Variants in KAZN observed in about 807,000 individuals in gnomAD.
The protein encoded by KAZN is kazrin, periplakin interacting protein.
A neutral mutation model predicts 87.4 loss-of-function variants in KAZN; 40 were observed. The observed-to-expected ratio is 0.46, with a 90% CI of 0.36 to 0.60. KAZN has a LOEUF of 0.60. Among genes scored for constraint, KAZN ranks in the 20% least tolerant of loss-of-function variants. KAZN has a pLI of 0.00. For missense variants in KAZN, 898 were observed against 1,073.9 expected (o/e 0.84, Z 2.29); for synonymous variants, 466 against 458.3 (o/e 1.02, Z -0.22).
chr1:13,989,058 T>C (rs932110954), intron 1 of KAZN, among the ~76,000 whole-genome samples: 4 of 152,118 alleles, frequency 2.6e-5, no homozygotes, highest in African/African-American at 9.7e-5. Flanking sequence ...CTTGTTGTAT[T>C]ATCACATAGT....
At chr1:14,317,193 C>T (rs1655708872) in intron 2 of KAZN, among the ~76,000 whole-genome samples, 1 of 151,832 alleles carries the variant, frequency 6.6e-6, no homozygotes, top group African/African-American at 2.4e-5. Flanking sequence ...TTTTTTGTTT[C>T]ATAAAGATTG....
chr1:14,818,309 G>A (rs1406621362), intron 1 of KAZN, among the ~76,000 whole-genome samples: 1 of 152,238 alleles, frequency 6.6e-6, no homozygotes, highest in African/African-American at 2.4e-5. Flanking sequence ...GGTCCTGGCT[G>A]AAAACAGATG....
At chr1:14,386,888 G>C (rs1460190846) in intron 2 of KAZN, among the ~76,000 whole-genome samples, 1 of 152,164 alleles carries the variant, frequency 6.6e-6, no homozygotes, top group Non-Finnish European at 1.5e-5. Flanking sequence ...AAGTTCCCCT[G>C]GATAATATCC....
At chr1:14,361,765 A>G (rs746388578) in intron 2 of KAZN, among the ~76,000 whole-genome samples, 3 of 152,224 alleles carry the variant, frequency 2.0e-5, no homozygotes, top group Non-Finnish European at 4.4e-5. Context: ...TCAGTTGGAA[A>G]TGCAGAAATC....
At chr1:14,412,122 A>G (rs977488124) in intron 2 of KAZN, among the ~76,000 whole-genome samples, 3 of 152,186 alleles carry the variant, frequency 2.0e-5, no homozygotes, top group Non-Finnish European at 2.9e-5. Context: ...AGAGGAGGAA[A>G]GTGTACAAAG....
intron 1 of KAZN, among the ~76,000 whole-genome samples, chr1:14,794,775 T>A (rs1413716325): frequency 6.6e-6 from 1 of 152,154 alleles, no homozygotes; most frequent in Admixed American, 6.5e-5. Flanking sequence ...TCTGGGTGTG[T>A]CTGTGAGGCT....
At chr1:14,331,306 C>T (rs1051116844) in intron 2 of KAZN, among the ~76,000 whole-genome samples, 4 of 152,058 alleles carry the variant, frequency 2.6e-5, no homozygotes, top group Non-Finnish European at 4.4e-5. Flanking sequence ...TGATATGGGA[C>T]GGAAATCAGC....
intron 2 of KAZN, among the ~76,000 whole-genome samples, chr1:14,539,172 C>A (rs1672667536): frequency 1.3e-5 from 2 of 152,114 alleles, no homozygotes; most frequent in Admixed American, 6.5e-5. Context: ...AATATTGCAA[C>A]TGATATATGA....
intron 1 of KAZN, among the ~76,000 whole-genome samples, chr1:13,907,865 C>T (rs1360816962): frequency 6.6e-6 from 1 of 152,108 alleles, no homozygotes; most frequent in African/African-American, 2.4e-5. Flanking sequence ...TCTTGTGCCC[C>T]TGTTGGGTGA....
At chr1:14,521,703 C>T (rs555131339) in intron 2 of KAZN, among the ~76,000 whole-genome samples, 2 of 152,242 alleles carry the variant, frequency 1.3e-5, no homozygotes, top group East Asian at 3.9e-4. Flanking sequence ...CCTTGGGTTG[C>T]CCTCATCCTG....
chr1:14,350,407 C>G (rs1217960296), intron 2 of KAZN, among the ~76,000 whole-genome samples: 2 of 152,214 alleles, frequency 1.3e-5, no homozygotes, highest in African/African-American at 4.8e-5. Flanking sequence ...GGCACAGAGC[C>G]TGGTTCCTCA....
chr1:14,368,767 T>A (rs899926957), intron 2 of KAZN, among the ~76,000 whole-genome samples: 13 of 152,290 alleles, frequency 8.5e-5, no homozygotes, highest in South Asian at 4.1e-4. Context: ...ATTTTTATAG[T>A]GTCTAAAGCA....
At chr1:14,867,855 A>T (rs760950420) in intron 1 of KAZN, among the ~76,000 whole-genome samples, 1 of 125,822 alleles carries the variant, frequency 7.9e-6, no homozygotes, top group Non-Finnish European at 1.8e-5. Flanking sequence ...AGTGATGTAT[A>T]TAAGGCTGTG....
In KAZN at chr1:13,973,454, G is replaced by A. The variant is rs189580894; in HGVS notation, c.91+79698G>A. On this transcript the variant is annotated intron_variant, in intron 1 of 16. Coordinates refer to the KAZN transcript ENST00000636203. Reference sequence around the variant, plus strand: ...TCAGAAGAGAGTGAGGTCAGAACACGTATTTACCTGGCTTGCTTCTCACCA... The same window carrying A: ...TCAGAAGAGAGTGAGGTCAGAACACATATTTACCTGGCTTGCTTCTCACCA... Among the ~76,000 whole-genome samples, 46 of 152,308 alleles carry A rather than the reference G, an allele frequency of 3.0e-4. No individual in the cohort carries two copies. The South Asian group carries it at 6.2e-3, about 21-fold the overall frequency.
intron 2 of KAZN, among the ~76,000 whole-genome samples, chr1:14,505,793 G>A (rs1171599989): frequency 1.3e-5 from 2 of 152,282 alleles, no homozygotes; most frequent in East Asian, 3.9e-4. Context: ...GGGCAACAGG[G>A]TGAAACCCTG....
chr1:14,784,184 C>G (rs1271392698), intron 1 of KAZN, among the ~76,000 whole-genome samples: 3 of 152,178 alleles, frequency 2.0e-5, no homozygotes, highest in African/African-American at 7.2e-5. Context: ...AGCCTCAGCT[C>G]TGCTCCCACA....
chr1:14,529,047 T>C (rs1672067694), intron 2 of KAZN, among the ~76,000 whole-genome samples: 1 of 152,166 alleles, frequency 6.6e-6, no homozygotes, highest in Non-Finnish European at 1.5e-5. Flanking sequence ...CTCATGCCTG[T>C]AATCCCAGCA....
chr1:15,063,484 C>A (rs752579931), intron 6 of KAZN, 88 bp from the exon 7 acceptor site: 2 of 1,120,470 alleles, frequency 1.8e-6, no homozygotes, highest in African/African-American at 1.5e-5. Flanking sequence ...CATCCTTCCA[C>A]GGAAGGCCCC....
chr1:14,609,559 A>C (rs886502379), intron 1 of KAZN, among the ~76,000 whole-genome samples: 1 of 152,358 alleles, frequency 6.6e-6, no homozygotes, highest in East Asian at 1.9e-4. Flanking sequence ...CATTTATTCT[A>C]AAACAAGAGC....
Sources: allele counts gnomAD v4.1 joint callset (sites outside exome capture counted in the v4.1 genomes callset), GRCh38; gene constraint gnomAD v4.1.1; transcripts MANE v1.5; gene names NCBI Gene and HGNC (gene_info 2026-07-23, HGNC 2026-07-21).